The following CEP63 variants were observed in gnomAD, a reference collection of about 807,000 sequenced individuals.
CEP63 encodes centrosomal protein of 63 kDa.
Under a neutral mutation model 89.1 loss-of-function variants are expected in CEP63, and 84 were observed. The ratio of observed to expected loss-of-function variants is 0.94; its 90% CI spans 0.79 to 1.13. CEP63 has a LOEUF of 1.13. Among genes scored for constraint, CEP63 ranks in the 50% most tolerant of loss-of-function variants. The probability of loss-of-function intolerance (pLI) is 0.00; values close to 1 mark genes in which losing one functional copy is unlikely to be tolerated. For missense variants in CEP63, 838 were observed against 813.3 expected, an observed-to-expected ratio of 1.03 and a Z score of -0.37; for synonymous variants, 267 against 272.5, an observed-to-expected ratio of 0.98 and a Z score of 0.20.
At chr3:134,718,708 AG>A in the CEP63 span, among the ~76,000 whole-genome samples, 1 of 152,194 alleles carries the variant, frequency 6.6e-6, no homozygotes, top group Non-Finnish European at 1.5e-5. Context: ...CTCACCATGC[AG>A]GTTACCTTCT....
the CEP63 span, among the ~76,000 whole-genome samples, chr3:134,708,382 G>C: frequency 1.3e-5 from 2 of 152,242 alleles, no homozygotes; most frequent in Admixed American, 1.3e-4. Flanking sequence ...TTATCTTGAT[G>C]TGTCATTGAG....
the CEP63 span, chr3:134,620,951 C>G: frequency 1.3e-6 from 1 of 756,966 alleles, no homozygotes; most frequent in Non-Finnish European, 2.3e-6. Flanking sequence ...TGCTCTTCCT[C>G]CAGGCAGAGA....
intron 5 of CEP63, among the ~76,000 whole-genome samples, chr3:134,534,864 C>T (rs939395673): frequency 3.3e-5 from 5 of 152,090 alleles, no homozygotes; most frequent in Admixed American, 1.3e-4. Flanking sequence ...CACCTTTCCC[C>T]ACATCCTCAC....
the CEP63 span, among the ~76,000 whole-genome samples, chr3:134,744,323 C>T: frequency 6.6e-6 from 1 of 152,166 alleles, no homozygotes; most frequent in African/African-American, 2.4e-5. Context: ...TTAGGCTATA[C>T]CTGAACACAG....
chr3:134,703,576 G>GA, the CEP63 span, among the ~76,000 whole-genome samples: 1 of 152,098 alleles, frequency 6.6e-6, no homozygotes, highest in South Asian at 2.1e-4. Context: ...GCTGAGTGAT[G>GA]AGATGCATGG....
At chr3:134,737,542 C>T in the CEP63 span, among the ~76,000 whole-genome samples, 3 of 152,186 alleles carry the variant, frequency 2.0e-5, no homozygotes, top group African/African-American at 7.2e-5. Context: ...GATGCTCCAC[C>T]ATACCAGTGG....
At chr3:134,618,002 T>C in the CEP63 span, among the ~76,000 whole-genome samples, 1 of 151,952 alleles carries the variant, frequency 6.6e-6, no homozygotes, top group Non-Finnish European at 1.5e-5. Context: ...TGCTTGGGTC[T>C]GGGGTAGGGG....
chr3:134,643,545 C>T, the CEP63 span, among the ~76,000 whole-genome samples: 3 of 152,304 alleles, frequency 2.0e-5, no homozygotes, highest in African/African-American at 7.2e-5. Flanking sequence ...CAAACCAGCA[C>T]GACACTGTGC....
the CEP63 span, among the ~76,000 whole-genome samples, chr3:134,736,286 A>G: frequency 1.3e-5 from 2 of 152,202 alleles, no homozygotes; most frequent in Non-Finnish European, 2.9e-5. Flanking sequence ...TACATTTAAA[A>G]TTAGGAATGG....
the CEP63 span, among the ~76,000 whole-genome samples, chr3:134,716,840 G>A: frequency 6.6e-6 from 1 of 152,130 alleles, no homozygotes; most frequent in Non-Finnish European, 1.5e-5. Flanking sequence ...TACTTACAGG[G>A]AGAATGCTAG....
intron 6 of CEP63, among the ~76,000 whole-genome samples, chr3:134,543,720 C>T (rs1335270525): frequency 1.3e-5 from 2 of 152,212 alleles, no homozygotes; most frequent in Admixed American, 6.5e-5. Flanking sequence ...CCCAGGGCTG[C>T]TGTACAGATT....
chr3:134,732,734 A>AACTT, the CEP63 span, among the ~76,000 whole-genome samples: 1 of 152,306 alleles, frequency 6.6e-6, no homozygotes, highest in East Asian at 1.9e-4. Context: ...GCAAAGCAAA[A>AACTT]ACTTAAAACT....
the CEP63 span, chr3:134,627,904 G>T: frequency 9.9e-7 from 1 of 1,015,014 alleles, no homozygotes; most frequent in African/African-American, 1.6e-5. Flanking sequence ...GGTGGTCCTT[G>T]CTTTTGACCC....
intron 2 of CEP63, among the ~76,000 whole-genome samples, chr3:134,505,973 T>G (rs1220577220): frequency 6.6e-6 from 1 of 152,124 alleles, no homozygotes; most frequent in Non-Finnish European, 1.5e-5. Flanking sequence ...GGTCACAGCA[T>G]TTTGGGGGGA....
At chr3:134,584,955 G>GGTTTTTTTTTTTGTTTT (rs1450512268) in intron 10 of CEP63, among the ~76,000 whole-genome samples, 3 of 21,728 alleles carry the variant, frequency 1.4e-4, no homozygotes, top group African/African-American at 5.7e-4. Flanking sequence ...GATTTTCTAG[G>GGTTTTTTTTTTTGTTTT]GTTTTTTTTT....
the CEP63 span, among the ~76,000 whole-genome samples, chr3:134,606,544 C>T: frequency 6.6e-6 from 1 of 152,212 alleles, no homozygotes; most frequent in Non-Finnish European, 1.5e-5. Context: ...AGCTTCTCTC[C>T]TAGCCCTGGC....
the CEP63 span, chr3:134,603,312 T>C: frequency 2.8e-6 from 1 of 359,168 alleles, no homozygotes; most frequent in South Asian, 8.8e-5. Context: ...GATGCAGGTG[T>C]ACAGTTTACA....
At chr3:134,712,119 C>T in the CEP63 span, among the ~76,000 whole-genome samples, 1 of 152,126 alleles carries the variant, frequency 6.6e-6, no homozygotes, top group Non-Finnish European at 1.5e-5. Context: ...AATTTTGCCC[C>T]ATATTCTAAA....
At chr3:134,643,736 T>C in the CEP63 span, among the ~76,000 whole-genome samples, 127 of 152,220 alleles carry the variant, frequency 8.3e-4, 1 homozygote, top group African/African-American at 2.4e-3. Flanking sequence ...AGATGCCTCA[T>C]TGATCTTCAC....
Sources: allele counts gnomAD v4.1 joint callset (sites outside exome capture counted in the v4.1 genomes callset), GRCh38; gene constraint gnomAD v4.1.1; transcripts MANE v1.5; gene names NCBI Gene and HGNC (gene_info 2026-07-23, HGNC 2026-07-21).